The following KCNQ3 variants were observed in gnomAD, a reference collection of about 807,000 sequenced individuals.
KCNQ3 encodes potassium voltage-gated channel subfamily KQT member 3.
In KCNQ3, 30 loss-of-function variants were observed where a neutral mutation model predicts 92.5. The observed-to-expected ratio is 0.32, with a 90% confidence interval of 0.24 to 0.44. The LOEUF is 0.44. KCNQ3 is among the 20% of genes least tolerant of loss of function. The probability of loss-of-function intolerance (pLI) is 1.00; values close to 1 mark genes in which losing one functional copy is unlikely to be tolerated. For missense variants in KCNQ3, 913 were observed against 1,140.3 expected, an observed-to-expected ratio of 0.80 and a Z score of 2.87; for synonymous variants, 450 against 468.8, an observed-to-expected ratio of 0.96 and a Z score of 0.52.
chr8:132,405,203 C>A (rs1820444121), intron 1 of KCNQ3, among the ~76,000 whole-genome samples: 2 of 152,228 alleles, frequency 1.3e-5, no homozygotes, highest in Admixed American at 1.3e-4. Context: ...GAGAGATTGG[C>A]TCCTCTTGAC....
chr8:132,375,969 C>G (rs2673609), intron 1 of KCNQ3, among the ~76,000 whole-genome samples: 74,589 of 152,046 alleles, frequency 0.49, 20,916 homozygotes, highest in African/African-American at 0.78. Flanking sequence ...TACTGACTTT[C>G]AGCTCCTTGA....
intron 1 of KCNQ3, among the ~76,000 whole-genome samples, chr8:132,215,107 C>A (rs1025491207): frequency 6.6e-6 from 1 of 152,228 alleles, no homozygotes; most frequent in Non-Finnish European, 1.5e-5. Flanking sequence ...GCCATGCACT[C>A]GGGCAGCTTG....
chr8:132,373,663 C>T (rs1302550090), intron 1 of KCNQ3, among the ~76,000 whole-genome samples: 2 of 152,152 alleles, frequency 1.3e-5, no homozygotes, highest in African/African-American at 2.4e-5. Flanking sequence ...GTCAATTCTG[C>T]CCCTGCTTGC....
At position 132,480,661 on chromosome 8, in the gene KCNQ3, C is replaced by A; in HGVS notation, c.-129G>T. The A allele has an allele frequency of 1.0e-6, 1 of 956,810 alleles. No individual in the cohort carries two copies. Among genetic ancestry groups the A allele is most frequent in the Non-Finnish European group, 1.3e-6 (1 of 792,532 alleles). 59.3% of individuals were successfully genotyped at this position (956,810 alleles called of 1,614,324 possible). On this transcript the variant is annotated 5_prime_UTR_variant, in exon 1 of 15. Coordinates refer to ENST00000388996, the MANE Select transcript of KCNQ3 (RefSeq NM_004519.4). ...GAACTCCAATGCCATGATCCGCGCG[C>A]CCCTCCCCACCCCCCCCCAAAAGCA...
chr8:132,420,010 T>G (rs1412335249), intron 1 of KCNQ3, among the ~76,000 whole-genome samples: 2 of 152,062 alleles, frequency 1.3e-5, no homozygotes, highest in East Asian at 1.9e-4. Context: ...CAACAGAAAT[T>G]TATTTCTCAC....
At chr8:132,457,575 C>T (rs1419377458) in intron 1 of KCNQ3, among the ~76,000 whole-genome samples, 1 of 152,150 alleles carries the variant, frequency 6.6e-6, no homozygotes, top group Non-Finnish European at 1.5e-5. Flanking sequence ...CACCCCTAAC[C>T]CAGACTCTGA....
intron 1 of KCNQ3, among the ~76,000 whole-genome samples, chr8:132,427,512 A>G (rs1821141696): frequency 6.6e-6 from 1 of 152,208 alleles, no homozygotes; most frequent in African/African-American, 2.4e-5. Context: ...TAAACACTTA[A>G]AATCCTACCA....
At chr8:132,187,624 ATGG>A (rs1368389781) in intron 1 of KCNQ3, among the ~76,000 whole-genome samples, 2 of 151,940 alleles carry the variant, frequency 1.3e-5, no homozygotes, top group African/African-American at 2.4e-5. Context: ...GACGATGATG[ATGG>A]TGGTGGTGGT....
chr8:132,388,014 GGAAGAGGAA>G lies in KCNQ3; in HGVS notation c.386+92124_386+92132del, dbSNP rs200134371. Among the ~76,000 whole-genome samples the G allele has an allele frequency of 4.9e-3, 702 of 143,874 alleles. 7 individuals are homozygous for G. Among genetic ancestry groups the G allele is most frequent in the African/African-American group, 0.016 (621 of 37,868 alleles). The allele number at this position is 143,874 out of a possible 152,430, so 94.4% of individuals were successfully genotyped here. ...AAGAGGAAGAAGAAGAAGAGGAAGA[GGAAGAGGAA>G]GAAGAAGAAGAGGAAGAGGAAGAAG... On this transcript the variant is annotated intron_variant, in intron 1 of 14. Coordinates refer to ENST00000388996, the MANE Select transcript of KCNQ3 (RefSeq NM_004519.4).
intron 1 of KCNQ3, among the ~76,000 whole-genome samples, chr8:132,343,332 C>A (rs1280061135): frequency 1.3e-5 from 2 of 152,200 alleles, no homozygotes; most frequent in African/African-American, 4.8e-5. Flanking sequence ...ATGGTGTCTA[C>A]ATGACACTGC....
chr8:132,438,846 A>G (rs896782232), intron 1 of KCNQ3, among the ~76,000 whole-genome samples: 9 of 151,586 alleles, frequency 5.9e-5, no homozygotes, highest in Non-Finnish European at 1.2e-4. Flanking sequence ...CTCTTGAAGA[A>G]GAGATTCAAG....
At chr8:132,456,401 G>A (rs1392383132) in intron 1 of KCNQ3, among the ~76,000 whole-genome samples, 3 of 151,960 alleles carry the variant, frequency 2.0e-5, no homozygotes. Flanking sequence ...AAGGTCCCCA[G>A]CTTAATATGT....
At chr8:132,318,796 G>C (rs377214766) in intron 1 of KCNQ3, among the ~76,000 whole-genome samples, 1 of 152,310 alleles carries the variant, frequency 6.6e-6, no homozygotes, top group African/African-American at 2.4e-5. Context: ...GAAACACTGC[G>C]TTAGGCACTA....
At position 132,125,352 on chromosome 8, in the gene KCNQ3, G is replaced by A. The variant is rs186901108; in HGVS notation, c.*3910C>T. ...GCTAGGAAGCATTTCTGTCTGTATA[G>A]AGTTGTTTGCAGGGATGAAATCAGG... is the stretch of plus-strand genomic sequence containing the variant. On this transcript the variant is annotated 3_prime_UTR_variant, in exon 15 of 15. Transcript: ENST00000388996. 4 of 152,232 alleles carry A rather than the reference G, an allele frequency of 2.6e-5. No homozygotes were observed. The highest frequency in any genetic ancestry group is 1.9e-4 in the East Asian group (1 of 5,174). The allele number at this position is 152,232 out of a possible 1,614,324, so 9.4% of individuals were successfully genotyped here. A position where few individuals can be genotyped will look rare whatever the true frequency, so the allele number is the denominator to read the frequency against.
At chr8:132,237,628 G>A (rs956143806) in intron 1 of KCNQ3, among the ~76,000 whole-genome samples, 12 of 152,168 alleles carry the variant, frequency 7.9e-5, no homozygotes, top group African/African-American at 2.4e-4. Flanking sequence ...CAGCACCCAC[G>A]AGGGCAGTCC....
chr8:132,268,939 ATTTTAT>A (rs1244305754), intron 1 of KCNQ3, among the ~76,000 whole-genome samples: 1 of 152,142 alleles, frequency 6.6e-6, no homozygotes, highest in African/African-American at 2.4e-5. Flanking sequence ...GTGTAGTGGC[ATTTTAT>A]TTTTATTTTT....
rs115933731 is a variant in KCNQ3 at position 132,404,638 on chromosome 8, T to C, written c.386+75509A>G. On this transcript the variant is annotated intron_variant, in intron 1 of 14. Transcript: ENST00000388996. Reference sequence around the variant, plus strand: ...GCCTAGCCAGCCCCCGACAATGACATAGCCAACTCCTTGCAATAAATCCCT... The same window carrying C: ...GCCTAGCCAGCCCCCGACAATGACACAGCCAACTCCTTGCAATAAATCCCT... Among the ~76,000 whole-genome samples the C allele has an allele frequency of 5.5e-3, 839 of 152,236 alleles. 7 individuals carry two copies. The highest frequency in any genetic ancestry group is 0.019 in the African/African-American group (804 of 41,538).
At chr8:132,353,423 A>G (rs1481142740) in intron 1 of KCNQ3, among the ~76,000 whole-genome samples, 5 of 152,208 alleles carry the variant, frequency 3.3e-5, no homozygotes, top group Admixed American at 3.3e-4. Flanking sequence ...AACGGTCAAA[A>G]CTGGGAAGTT....
At chr8:132,241,927 TGG>T (rs1296365194) in intron 1 of KCNQ3, among the ~76,000 whole-genome samples, 1 of 152,102 alleles carries the variant, frequency 6.6e-6, no homozygotes. Flanking sequence ...AAACTGCAAG[TGG>T]AATTGGACTA....
Sources: gnomAD v4.1 joint callset for allele counts (sites outside exome capture counted in the v4.1 genomes callset) on GRCh38, gnomAD v4.1.1 for gene constraint, MANE v1.5 for transcripts, NCBI Gene and HGNC (gene_info 2026-07-23, HGNC 2026-07-21) for gene names.